Variants in SLC5A4 observed in about 807,000 individuals in gnomAD.
SLC5A4 encodes the protein solute carrier family 5 member 4, also known as probable glucose sensor protein SLC5A4.
A neutral mutation model predicts 70.3 loss-of-function variants in SLC5A4; 55 were observed. The ratio of observed to expected loss-of-function variants is 0.78; its 90% CI spans 0.63 to 0.98. The LOEUF (loss-of-function observed/expected upper bound fraction) is 0.98, where lower values mean the gene tolerates loss of function less well. SLC5A4 is among the 50% of genes least tolerant of loss of function. The pLI is 0.00. For missense variants in SLC5A4, 735 were observed against 839.2 expected, an observed-to-expected ratio of 0.88 and a Z score of 1.53; for synonymous variants, 268 against 305.7, an observed-to-expected ratio of 0.88 and a Z score of 1.29.
At chr22:32,343,793 C>T in the SLC5A4 span, among the ~76,000 whole-genome samples, 1 of 152,022 alleles carries the variant, frequency 6.6e-6, no homozygotes, top group South Asian at 2.1e-4. Flanking sequence ...TAAAACAATG[C>T]TAATACAACT....
At chr22:32,331,364 C>T in the SLC5A4 span, among the ~76,000 whole-genome samples, 5 of 152,004 alleles carry the variant, frequency 3.3e-5, no homozygotes, top group Admixed American at 2.6e-4. Flanking sequence ...ACGCCGCTGG[C>T]GAGATGGCGG....
At chr22:32,255,793 G>C (rs1054952424), upstream of SLC5A4, among the ~76,000 whole-genome samples, 1 of 152,160 alleles carries the variant, frequency 6.6e-6, no homozygotes, top group Non-Finnish European at 1.5e-5. Flanking sequence ...GCCTTTCGTG[G>C]ATTCCAAAGT....
rs1341557012 is a variant in SLC5A4 at position 32,239,056 on chromosome 22, A to G, written c.512T>C (p.Leu171Pro). 3 of 1,614,104 alleles carry G rather than the reference A, an allele frequency of 1.9e-6. No individual in the cohort carries two copies. Among genetic ancestry groups the G allele is most frequent in the Non-Finnish European group, 2.5e-6 (3 of 1,179,958 alleles). ...CAGGTAAAGGTCCAATCCCAAGGCC[A>G]GCTTGATGAATATGGCTCCAGCAAA... ...DIFAGAIFIK[L>P]ALGLDLYLAI... The change falls in exon 6 of 15, where the codon CTG becomes CCG. Residue 171 changes from leucine (L) to proline (P), a missense_variant. Coordinates refer to ENST00000266086, the MANE Select transcript of SLC5A4 (RefSeq NM_014227.3).
chr22:32,300,847 T>C, the SLC5A4 span, among the ~76,000 whole-genome samples: 96,753 of 151,940 alleles, frequency 0.64, 30,918 homozygotes, highest in East Asian at 0.7. Context: ...ATCATTTTAT[T>C]TCTGTCATAA....
intron 13 of SLC5A4, among the ~76,000 whole-genome samples, chr22:32,221,985 G>T (rs899278712): frequency 6.6e-6 from 1 of 152,150 alleles, no homozygotes. Context: ...TTAAACTCCT[G>T]ACCTCAGATG....
At chr22:32,328,341 C>T in the SLC5A4 span, among the ~76,000 whole-genome samples, 1 of 152,104 alleles carries the variant, frequency 6.6e-6, no homozygotes, top group Non-Finnish European at 1.5e-5. Context: ...GGGGACAGAG[C>T]CAAGTGGCTC....
At chr22:32,268,894 AT>A in the SLC5A4 span, among the ~76,000 whole-genome samples, 1 of 152,120 alleles carries the variant, frequency 6.6e-6, no homozygotes, top group Admixed American at 6.5e-5. Context: ...TATTTAAAGT[AT>A]TTTTTGCATT....
At chr22:32,330,305 T>TG in the SLC5A4 span, among the ~76,000 whole-genome samples, 4,784 of 12,758 alleles carry the variant, frequency 0.37, 1,535 homozygotes, top group East Asian at 0.5. Context: ...GGGGCTCTGT[T>TG]GGGGGCTCTG....
At chr22:32,221,501 C>T (rs1364954421) in intron 13 of SLC5A4, among the ~76,000 whole-genome samples, 1 of 152,106 alleles carries the variant, frequency 6.6e-6, no homozygotes, top group Non-Finnish European at 1.5e-5. Context: ...CAATTAGTAC[C>T]CTTACACACT....
the SLC5A4 span, among the ~76,000 whole-genome samples, chr22:32,289,662 G>C: frequency 6.6e-6 from 1 of 152,192 alleles, no homozygotes; most frequent in Non-Finnish European, 1.5e-5. Flanking sequence ...TGCCATGATT[G>C]TAAGTTTCCT....
chr22:32,249,592 G>C (rs1177055422), intron 3 of SLC5A4, among the ~76,000 whole-genome samples: 1 of 152,238 alleles, frequency 6.6e-6, no homozygotes, highest in Non-Finnish European at 1.5e-5. Context: ...AGGGGCACAG[G>C]TATGTGTGAT....
chr22:32,336,542 C>T, the SLC5A4 span, among the ~76,000 whole-genome samples: 2 of 152,208 alleles, frequency 1.3e-5, no homozygotes, highest in African/African-American at 4.8e-5. Context: ...GCAGGCAGCA[C>T]GTCCCCAGAA....
the SLC5A4 span, among the ~76,000 whole-genome samples, chr22:32,335,587 A>G: frequency 6.6e-6 from 1 of 152,102 alleles, no homozygotes; most frequent in Non-Finnish European, 1.5e-5. Context: ...CTACATCCAC[A>G]TGGCAGCCCA....
chr22:32,344,706 C>T, the SLC5A4 span, among the ~76,000 whole-genome samples: 1 of 152,120 alleles, frequency 6.6e-6, no homozygotes, highest in East Asian at 1.9e-4. Context: ...GCTTCCAATT[C>T]AGCTTTTATG....
intron 5 of SLC5A4, among the ~76,000 whole-genome samples, chr22:32,246,186 C>T (rs991953807): frequency 5.3e-5 from 8 of 152,194 alleles, no homozygotes; most frequent in Non-Finnish European, 1.0e-4. Context: ...GGTGAACTCC[C>T]GTGGCTCAAG....
At chr22:32,325,244 C>T in the SLC5A4 span, among the ~76,000 whole-genome samples, 17,771 of 152,298 alleles carry the variant, frequency 0.12, 1,408 homozygotes, top group Non-Finnish European at 0.18. Context: ...GAGTCAGGTG[C>T]GGGCCCTGCC....
At chr22:32,330,803 GGTGTGTGTTTTGGGAGGCTCTGGTGTGT>G in the SLC5A4 span, among the ~76,000 whole-genome samples, 2 of 130,812 alleles carry the variant, frequency 1.5e-5, no homozygotes, top group African/African-American at 2.9e-5. Flanking sequence ...TGGGGGCTCT[GGTGTGTGTTTTGGGAGGCTCTGGTGTGT>G]GTGTGTGTGT....
At chr22:32,309,265 G>A in the SLC5A4 span, among the ~76,000 whole-genome samples, 4 of 152,292 alleles carry the variant, frequency 2.6e-5, no homozygotes, top group East Asian at 1.9e-4. Flanking sequence ...AAAACTGCTC[G>A]TGAATCACAC....
the SLC5A4 span, among the ~76,000 whole-genome samples, chr22:32,286,464 G>T: frequency 6.6e-6 from 1 of 152,198 alleles, no homozygotes; most frequent in Non-Finnish European, 1.5e-5. Context: ...ATCACTTTAT[G>T]GAGGAAAGTT....
Sources: allele counts gnomAD v4.1 joint callset (sites outside exome capture counted in the v4.1 genomes callset), GRCh38; gene constraint gnomAD v4.1.1; transcripts MANE v1.5; gene names NCBI Gene and HGNC (gene_info 2026-07-23, HGNC 2026-07-21).